HECW2: variants seen among roughly 807,000 people sequenced by gnomAD.
HECW2 encodes HECT, C2 and WW domain containing E3 ubiquitin protein ligase 2.
A neutral mutation model predicts 175.2 loss-of-function variants in HECW2; 61 were observed. That is an observed-to-expected ratio of 0.35 (90% CI 0.28 to 0.43). The LOEUF is 0.43. Ranked by LOEUF, HECW2 falls within the 20% of genes least tolerant of loss-of-function variation. The pLI is 1.00. For synonymous variants in HECW2, 671 were observed against 731.0 expected (o/e 0.92, Z 1.32); for missense variants, 1,524 against 2,000.5 (o/e 0.76, Z 4.54).
intron 26 of HECW2, among the ~76,000 whole-genome samples, chr2:196,219,206 T>G (rs1043141913): frequency 6.6e-6 from 1 of 152,236 alleles, no homozygotes; most frequent in Non-Finnish European, 1.5e-5. Flanking sequence ...TCTTATACTT[T>G]GAGTTAAAAA....
chr2:196,387,721 G>A (rs897127048), intron 2 of HECW2, among the ~76,000 whole-genome samples: 2 of 152,026 alleles, frequency 1.3e-5, no homozygotes, highest in African/African-American at 4.8e-5. Context: ...TATCTCCAGG[G>A]ATCAGAATCT....
At chr2:196,539,321 T>C (rs1306818040) in intron 1 of HECW2, among the ~76,000 whole-genome samples, 1 of 152,200 alleles carries the variant, frequency 6.6e-6, no homozygotes, top group East Asian at 1.9e-4. Flanking sequence ...TTCCATAAAA[T>C]GTTGGTCAAT....
chr2:196,306,349 A>G, intron 13 of HECW2, 139 bp downstream of exon 13: 1 of 804,026 alleles, frequency 1.2e-6, no homozygotes, highest in Non-Finnish European at 1.9e-6. Flanking sequence ...TAAAGTGTAC[A>G]GTGCTCAACA....
chr2:196,318,977 A>G lies in HECW2; in HGVS notation c.1913T>C (p.Leu638Pro), dbSNP rs143162155. 137 of 1,613,484 alleles carry G rather than the reference A, an allele frequency of 8.5e-5. No individual in the cohort carries two copies. The African/African-American group carries it at 1.3e-3, about 15-fold the overall frequency. The change falls in exon 9 of 29, where the codon CTG (leucine) becomes CCG (proline). Residue 638 changes from leucine to proline, a missense_variant. By Grantham distance (98) the Leu-to-Pro change is moderately conservative. Around this residue, in one of 11 missense-constraint regions of HECW2, gnomAD observed 604 missense variants for 588.3 expected, o/e 1.03. Coordinates refer to ENST00000644978, the MANE Select transcript of HECW2 (RefSeq NM_001348768.2). ...ASTRPEGESD[L>P]ECADSSCNES... The stretch of plus-strand genomic sequence containing the variant: ...ATTGCAGGAGCTGTCAGCGCATTCC[A>G]GGTCACTCTCTCCCTCAGGCCTGGT...
intron 13 of HECW2, among the ~76,000 whole-genome samples, chr2:196,293,399 T>C (rs1271661183): frequency 6.6e-6 from 1 of 152,254 alleles, no homozygotes; most frequent in Non-Finnish European, 1.5e-5. Flanking sequence ...ATCCAGTCTA[T>C]CATTGATGGA....
chr2:196,526,674 GTT>G (rs1688662150), intron 1 of HECW2, among the ~76,000 whole-genome samples: 1 of 145,114 alleles, frequency 6.9e-6, no homozygotes, highest in African/African-American at 2.8e-5. Flanking sequence ...TGTCCTTTCT[GTT>G]TGTTAGTTTT....
intron 2 of HECW2, among the ~76,000 whole-genome samples, chr2:196,356,915 C>T (rs567554793): frequency 6.6e-6 from 1 of 152,264 alleles, no homozygotes; most frequent in East Asian, 1.9e-4. Context: ...TGGAACGTAT[C>T]CCCCGTGGAT....
chr2:196,227,419 T>A (rs1263821611), intron 22 of HECW2, among the ~76,000 whole-genome samples: 1 of 152,100 alleles, frequency 6.6e-6, no homozygotes, highest in Non-Finnish European at 1.5e-5. Flanking sequence ...ATAAATAATC[T>A]TCAGATGGGA....
chr2:196,233,797 A>C (rs1688141627), intron 21 of HECW2, among the ~76,000 whole-genome samples: 1 of 152,228 alleles, frequency 6.6e-6, no homozygotes, highest in African/African-American at 2.4e-5. Flanking sequence ...GAAGCTTCAC[A>C]GATTTCTGAG....
intron 2 of HECW2, among the ~76,000 whole-genome samples, chr2:196,415,446 C>T (rs998100945): frequency 3.9e-5 from 6 of 152,140 alleles, no homozygotes; most frequent in African/African-American, 1.4e-4. Flanking sequence ...ATCCTGGGAG[C>T]TTTAGACAGA....
Position 196,509,126 on chromosome 2 carries a change from T to TA in HECW2, c.-35-75669dup, listed in dbSNP as rs149707197. 8.8e-3 allele frequency among the ~76,000 whole-genome samples: 1,347 copies of TA among 152,264 alleles called. 66 individuals are homozygous for TA. The East Asian group carries it at 0.15, about 17-fold the overall frequency. On this transcript the variant is annotated intron_variant, in intron 1 of 28. Transcript: ENST00000644978. ...TTTAATAGGATTGTGGGTTTTTTTT[T>TA]AACATTTGCCAGTTTACTACAAAAG...
chr2:196,518,993 A>G (rs146576620), intron 1 of HECW2, among the ~76,000 whole-genome samples: 1,685 of 152,336 alleles, frequency 0.011, 12 homozygotes, highest in Middle Eastern at 0.048. Context: ...TAACAATTAC[A>G]GTTCAATAGA....
chr2:196,395,196 C>T (rs1694625664), intron 2 of HECW2, among the ~76,000 whole-genome samples: 1 of 152,052 alleles, frequency 6.6e-6, no homozygotes, highest in South Asian at 2.1e-4. Context: ...TTATAGAGTA[C>T]ACAAAAATTA....
At chr2:196,457,641 C>A (rs964574832) in intron 1 of HECW2, among the ~76,000 whole-genome samples, 3 of 152,154 alleles carry the variant, frequency 2.0e-5, no homozygotes, top group African/African-American at 4.8e-5. Context: ...TGTAAGTCAA[C>A]CACACTGGTC....
At chr2:196,364,189 A>G (rs1353189594) in intron 2 of HECW2, among the ~76,000 whole-genome samples, 1 of 152,150 alleles carries the variant, frequency 6.6e-6, no homozygotes, top group Non-Finnish European at 1.5e-5. Context: ...TACATATACC[A>G]CTTTACCTGC....
chr2:196,201,150 GGAAA>G lies in HECW2; in HGVS notation c.*123_*126del, dbSNP rs1434091509. The G allele has an allele frequency of 1.5e-6, 1 of 676,850 alleles. No homozygotes were observed. Among genetic ancestry groups the G allele is most frequent in the Non-Finnish European group, 2.7e-6 (1 of 373,794 alleles). The allele number at this position is 676,850 out of a possible 1,614,324, so 41.9% of individuals were successfully genotyped here. On this transcript the variant is annotated 3_prime_UTR_variant, in exon 29 of 29. Transcript: ENST00000644978. Reference sequence around the variant, plus strand: ...CAAATGTGACAGAGCACTTGTTCCTGGAAAACAACAGCACATAGCTTTATCCTAA... The same window carrying G: ...CAAATGTGACAGAGCACTTGTTCCTGACAACAGCACATAGCTTTATCCTAA...
chr2:196,282,225 A>T (rs555067562), intron 14 of HECW2, among the ~76,000 whole-genome samples: 1 of 152,312 alleles, frequency 6.6e-6, no homozygotes, highest in South Asian at 2.1e-4. Flanking sequence ...ACTTCTGGGA[A>T]ATCTGATAAG....
In HECW2 at chr2:196,215,982, C is replaced by T; in HGVS notation, c.4495-5G>A. On this transcript the variant is annotated splice_region_variant and splice_polypyrimidine_tract_variant and intron_variant, in intron 27 of 28. Transcript: ENST00000644978. ...GCTGGATGTGCCTGTAACAAACTGT[C>T]AACCCAAGAAAACAGAAGGAGAAGG... is the stretch of plus-strand genomic sequence containing the variant. The T allele has an allele frequency of 6.2e-7, 1 of 1,603,738 alleles. No homozygotes were observed. Among genetic ancestry groups the T allele is most frequent in the Non-Finnish European group, 8.5e-7 (1 of 1,170,928 alleles).
At chr2:196,326,390 G>T (rs1692152689) in intron 5 of HECW2, among the ~76,000 whole-genome samples, 1 of 152,100 alleles carries the variant, frequency 6.6e-6, no homozygotes, top group Admixed American at 6.5e-5. Context: ...CACACACCTG[G>T]CAGTAGAGGC....
Sources: allele counts gnomAD v4.1 joint callset (sites outside exome capture counted in the v4.1 genomes callset), GRCh38; gene constraint gnomAD v4.1.1; regional missense constraint gnomAD v4.1.1; transcripts MANE v1.5; gene names NCBI Gene and HGNC (gene_info 2026-07-23, HGNC 2026-07-21).